ZCCHC10: variants seen among roughly 807,000 people sequenced by gnomAD.
ZCCHC10 encodes the protein zinc finger CCHC domain-containing protein 10.
In ZCCHC10, 16 loss-of-function variants were observed where a neutral mutation model predicts 19.5. That is an observed-to-expected ratio of 0.82 (90% CI 0.56 to 1.25). ZCCHC10 has a LOEUF of 1.25. Ranked by LOEUF, ZCCHC10 falls within the 50% of genes most tolerant of loss-of-function variation. The pLI, the probability that ZCCHC10 is intolerant of heterozygous loss-of-function variation, is 0.00. For synonymous variants in ZCCHC10, 67 were observed against 72.5 expected, an observed-to-expected ratio of 0.92 and a Z score of 0.38; for missense variants, 197 against 201.0, an observed-to-expected ratio of 0.98 and a Z score of 0.12.
At chr5:133,025,657 A>T (rs190887010) in intron 1 of ZCCHC10, among the ~76,000 whole-genome samples, 2 of 152,230 alleles carry the variant, frequency 1.3e-5, no homozygotes, top group African/African-American at 4.8e-5. Flanking sequence ...TTCAGGCTCA[A>T]AGCAATTATG....
intron 2 of ZCCHC10, among the ~76,000 whole-genome samples, chr5:133,015,084 T>TTG (rs1352232220): frequency 3.3e-5 from 5 of 150,650 alleles, no homozygotes; most frequent in African/African-American, 7.4e-5. Flanking sequence ...GAGGTTTTTT[T>TTG]TTTTTTTTTT....
chr5:133,007,409 G>A (rs1000278132), intron 2 of ZCCHC10, among the ~76,000 whole-genome samples: 3 of 152,094 alleles, frequency 2.0e-5, no homozygotes, highest in Admixed American at 6.6e-5. Flanking sequence ...CAAGCGTGGT[G>A]GTGGGCGCCT....
At chr5:133,001,866 G>C (rs1399879526) in intron 3 of ZCCHC10, among the ~76,000 whole-genome samples, 1 of 151,066 alleles carries the variant, frequency 6.6e-6, no homozygotes, top group Non-Finnish European at 1.5e-5. Context: ...TTACACAATG[G>C]AATTACTTAC....
At chr5:133,013,261 G>GA (rs1184937706) in intron 2 of ZCCHC10, among the ~76,000 whole-genome samples, 31,274 of 89,092 alleles carry the variant, frequency 0.35, 4,114 homozygotes, top group East Asian at 0.48. Flanking sequence ...CCATCTCCAA[G>GA]AAAAAAAAAA....
chr5:133,016,727 C>T (rs1339792863), intron 2 of ZCCHC10, among the ~76,000 whole-genome samples: 1 of 151,982 alleles, frequency 6.6e-6, no homozygotes, highest in African/African-American at 2.4e-5. Flanking sequence ...ATAGGTGTGA[C>T]CCACCGCGCA....
At chr5:133,021,144 C>T (rs1363234128) in intron 2 of ZCCHC10, among the ~76,000 whole-genome samples, 2 of 152,214 alleles carry the variant, frequency 1.3e-5, no homozygotes, top group Non-Finnish European at 2.9e-5. Flanking sequence ...GATCCGCCCG[C>T]CTCGGCCTCC....
intron 2 of ZCCHC10, chr5:133,019,216 A>G (rs777146303): frequency 6.1e-6 from 2 of 326,310 alleles, no homozygotes; most frequent in South Asian, 4.5e-5. Context: ...AAAAAAAAAA[A>G]ACAGAGAGAG....
intron 2 of ZCCHC10, among the ~76,000 whole-genome samples, chr5:133,010,209 C>T (rs746906735): frequency 2.6e-5 from 4 of 151,930 alleles, no homozygotes; most frequent in South Asian, 2.1e-4. Context: ...CCACCACGCA[C>T]GGCTAATTTT....
At chr5:133,023,222 A>G (rs10053483) in intron 1 of ZCCHC10, among the ~76,000 whole-genome samples, 52,586 of 152,048 alleles carry the variant, frequency 0.35, 10,424 homozygotes, top group African/African-American at 0.55. Flanking sequence ...ATGTTGAAGA[A>G]GGAGTAGTGG....
At position 133,023,160 on chromosome 5, in the gene ZCCHC10, G is replaced by C. The variant is rs73788281; in HGVS notation, c.42-254C>G. Among the ~76,000 whole-genome samples the C allele has an allele frequency of 5.8e-3, 881 of 152,178 alleles. 12 individuals are homozygous for C. Among genetic ancestry groups the C allele is most frequent in the African/African-American group, 0.02 (830 of 41,540 alleles). ...GAAAACACAACAGGCCACTTCAGGA[G>C]GTAAGTACACATTACTGGAAGTCTT... On this transcript the variant is annotated intron_variant, in intron 1 of 4. Transcript: ENST00000509437.
chr5:133,005,762 T>C (rs1561537466), intron 3 of ZCCHC10, among the ~76,000 whole-genome samples: 1 of 152,070 alleles, frequency 6.6e-6, no homozygotes, highest in African/African-American at 2.4e-5. Context: ...GAAGCGTTGT[T>C]AGAAAAGGGG....
At chr5:133,008,537 C>CAAAA (rs567424776) in intron 2 of ZCCHC10, among the ~76,000 whole-genome samples, 28,586 of 97,462 alleles carry the variant, frequency 0.29, 4,007 homozygotes, top group African/African-American at 0.4. Flanking sequence ...GACTCCATCT[C>CAAAA]AAAAAAAAAA....
chr5:133,008,844 T>A (rs955176843), intron 2 of ZCCHC10, among the ~76,000 whole-genome samples: 1 of 151,898 alleles, frequency 6.6e-6, no homozygotes, highest in East Asian at 1.9e-4. Context: ...AAACCCTGTC[T>A]CTAAAAAAAA....
intron 2 of ZCCHC10, among the ~76,000 whole-genome samples, chr5:133,010,479 G>T (rs1397071589): frequency 6.6e-6 from 1 of 152,126 alleles, no homozygotes; most frequent in Non-Finnish European, 1.5e-5. Context: ...ATATTTTGTG[G>T]ATGAAATGAA....
chr5:133,001,819 A>G (rs1046626177), intron 3 of ZCCHC10, among the ~76,000 whole-genome samples: 4 of 152,048 alleles, frequency 2.6e-5, no homozygotes, highest in African/African-American at 9.7e-5. Context: ...TTGTTTCCTG[A>G]GTCTCCAAAC....
At chr5:133,019,831 A>C (rs750846845) in intron 2 of ZCCHC10, among the ~76,000 whole-genome samples, 5 of 151,784 alleles carry the variant, frequency 3.3e-5, no homozygotes, top group Non-Finnish European at 5.9e-5. Context: ...GTGCATCTGT[A>C]GTCCTAGCTA....
intron 1 of ZCCHC10, among the ~76,000 whole-genome samples, chr5:133,023,963 A>G (rs1764503034): frequency 1.3e-5 from 2 of 152,166 alleles, no homozygotes; most frequent in African/African-American, 4.8e-5. Context: ...GCAAGCCTCT[A>G]AAGGCCCTCC....
At chr5:133,016,916 C>T (rs906591127) in intron 2 of ZCCHC10, among the ~76,000 whole-genome samples, 5 of 151,680 alleles carry the variant, frequency 3.3e-5, no homozygotes, top group African/African-American at 9.7e-5. Context: ...CCCCCACCCA[C>T]GACTCCCATT....
At chr5:133,021,588 C>G (rs1764314265) in intron 2 of ZCCHC10, among the ~76,000 whole-genome samples, 1 of 152,114 alleles carries the variant, frequency 6.6e-6, no homozygotes, top group Non-Finnish European at 1.5e-5. Flanking sequence ...TAAAATTTAT[C>G]TGGAAATACA....
Sources: gnomAD v4.1 joint callset for allele counts (sites outside exome capture counted in the v4.1 genomes callset) on GRCh38, gnomAD v4.1.1 for gene constraint, MANE v1.5 for transcripts, NCBI Gene and HGNC (gene_info 2026-07-23, HGNC 2026-07-21) for gene names.